GSN: variants seen among roughly 807,000 people sequenced by gnomAD.
GSN encodes gelsolin.
Under a neutral mutation model 85.7 loss-of-function variants are expected in GSN, and 56 were observed. The ratio of observed to expected loss-of-function variants is 0.65; its 90% CI spans 0.53 to 0.82. The LOEUF (loss-of-function observed/expected upper bound fraction) is 0.82, where lower values mean the gene tolerates loss of function less well. GSN is among the 40% of genes least tolerant of loss of function. The pLI is 0.00. For missense variants in GSN, 857 were observed against 979.8 expected (o/e 0.87, Z 1.67); for synonymous variants, 373 against 399.1 (o/e 0.93, Z 0.78).
intron 2 of GSN, among the ~76,000 whole-genome samples, chr9:121,292,274 T>C (rs746472106): frequency 1.3e-5 from 2 of 152,116 alleles, no homozygotes; most frequent in Admixed American, 6.5e-5. Flanking sequence ...AGGAGTCTCA[T>C]GGAGGGGATT....
At chr9:121,297,521 G>A (rs934219360) in intron 2 of GSN, among the ~76,000 whole-genome samples, 1 of 152,208 alleles carries the variant, frequency 6.6e-6, no homozygotes, top group East Asian at 1.9e-4. Context: ...TCCAGCAAAC[G>A]GCCTTAACAG....
intron 2 of GSN, among the ~76,000 whole-genome samples, chr9:121,298,825 G>C (rs955967243): frequency 1.3e-5 from 2 of 152,166 alleles, no homozygotes; most frequent in Non-Finnish European, 2.9e-5. Context: ...GAGTAGGTGG[G>C]AAGTAGGCCT....
the GSN span, among the ~76,000 whole-genome samples, chr9:121,202,673 C>T: frequency 6.6e-6 from 1 of 152,132 alleles, no homozygotes; most frequent in Non-Finnish European, 1.5e-5. Flanking sequence ...GTGGCTTGTA[C>T]ATTACACACA....
chr9:121,318,871 C>T lies in GSN; in HGVS notation c.1182C>T (p.Gly394=), dbSNP rs776440011. The T allele has an allele frequency of 1.9e-6, 3 of 1,613,346 alleles. No individual in the cohort carries two copies. Among genetic ancestry groups the T allele is most frequent in the Non-Finnish European group, 2.5e-6 (3 of 1,179,554 alleles). The change falls in exon 10 of 18, where the codon GGC becomes GGT. Residue 394 remains glycine, a synonymous_variant. Coordinates refer to ENST00000432226, the MANE Select transcript of GSN (RefSeq NM_198252.3). This position sits in a 1 kb window ranked among gnomAD's most constrained non-coding sequence, Gnocchi z 4.3. ...AQHGMDDDGT[G]QKQIWRIEGS... ...ACGGCATGGATGACGATGGCACAGG[C>T]CAGAAACAGGTACGTTTAGGGCGTG...
intron 5 of GSN, chr9:121,312,037 TC>T (rs1469083868): frequency 2.7e-6 from 1 of 365,992 alleles, no homozygotes; most frequent in African/African-American, 2.1e-5. Flanking sequence ...CAAATGGTTT[TC>T]CAAAATGGTT....
At chr9:121,212,379 T>C (rs758875886) in intron 4 of GSN, among the ~76,000 whole-genome samples, 3 of 152,114 alleles carry the variant, frequency 2.0e-5, no homozygotes, top group Admixed American at 2.0e-4. Context: ...GTTTATTGGA[T>C]TGTCGTGAAG....
chr9:121,307,306 A>G (rs1054519241), intron 4 of GSN, among the ~76,000 whole-genome samples: 3 of 152,244 alleles, frequency 2.0e-5, no homozygotes, highest in African/African-American at 7.2e-5. Context: ...AATGAAAGGC[A>G]TACTTCAACA....
chr9:121,220,030 C>T (rs926036989), intron 4 of GSN, among the ~76,000 whole-genome samples: 18 of 152,264 alleles, frequency 1.2e-4, no homozygotes, highest in Middle Eastern at 6.8e-3. Context: ...TACAGGCATG[C>T]GCCACTGCGC....
upstream of GSN, among the ~76,000 whole-genome samples, chr9:121,264,779 C>T (rs1433217899): frequency 6.6e-6 from 1 of 152,198 alleles, no homozygotes; most frequent in Non-Finnish European, 1.5e-5. Context: ...CCCCTCCACC[C>T]ACAGGTTACA....
chr9:121,227,741 T>C (rs1308659927), intron 4 of GSN, among the ~76,000 whole-genome samples: 1 of 152,096 alleles, frequency 6.6e-6, no homozygotes, highest in Non-Finnish European at 1.5e-5. Flanking sequence ...TGTTGAGCGG[T>C]ACATGAGAAT....
intron 1 of GSN, among the ~76,000 whole-genome samples, chr9:121,276,581 CT>C (rs1401517894): frequency 6.6e-6 from 1 of 152,222 alleles, no homozygotes; most frequent in South Asian, 2.1e-4. Flanking sequence ...CAAACCATGA[CT>C]TTTATAGCAG....
In GSN at chr9:121,286,610, A is replaced by G. The variant is rs751145272; in HGVS notation, c.-10+5048A>G. ...CTCCTTTGTGCTCCCAGGGCCCACA[A>G]CTGCTTGAATGACTATTGGTGTTCC... is the stretch of plus-strand genomic sequence containing the variant. On this transcript the variant is annotated intron_variant, in intron 2 of 17. Transcript: ENST00000432226. 7 of 1,512,680 alleles carry G rather than the reference A, an allele frequency of 4.6e-6. No individual in the cohort carries two copies. The East Asian group carries it at 7.4e-5, about 16-fold the overall frequency. 93.7% of individuals were successfully genotyped at this position (1,512,680 alleles called of 1,614,324 possible). A position where few individuals can be genotyped will look rare whatever the true frequency, so the allele number is the denominator to read the frequency against.
At chr9:121,321,020 C>T (rs1462004573) in intron 10 of GSN, among the ~76,000 whole-genome samples, 1 of 152,138 alleles carries the variant, frequency 6.6e-6, no homozygotes, top group Non-Finnish European at 1.5e-5. Flanking sequence ...CGATCCTCAG[C>T]GAAGGACAGA....
rs757046360 is a variant in GSN at position 121,302,058 on chromosome 9, C to T, written c.87C>T (p.Pro29=). ...IWRVEKFDLV[P]VPTNLYGDFF... ...GTGTGGAGAAGTTCGATCTGGTGCC[C>T]GTGCCCACCAACCTTTATGGAGACT... is the stretch of plus-strand genomic sequence containing the variant. The change falls in exon 3 of 18, where the codon CCC becomes CCT. Residue 29 remains proline (P), a synonymous_variant. Transcript: ENST00000432226. 7.4e-6 allele frequency: 12 copies of T among 1,614,234 alleles called. No individual in the cohort carries two copies. The highest frequency in any genetic ancestry group is 2.2e-5 in the South Asian group (2 of 91,088).
At chr9:121,316,107 C>T (rs1440534649) in intron 7 of GSN, among the ~76,000 whole-genome samples, 1 of 152,226 alleles carries the variant, frequency 6.6e-6, no homozygotes. Context: ...CATCAGGGAT[C>T]TTAAATGCCT....
In GSN at chr9:121,318,657, C is replaced by G; in HGVS notation, c.976-8C>G. 1 of 1,605,842 alleles carries G rather than the reference C, an allele frequency of 6.2e-7. No homozygotes were observed. Among genetic ancestry groups the G allele is most frequent in the Non-Finnish European group, 8.5e-7 (1 of 1,172,368 alleles). On this transcript the variant is annotated splice_polypyrimidine_tract_variant and splice_region_variant and intron_variant, in intron 9 of 17. Coordinates refer to ENST00000432226, the MANE Select transcript of GSN (RefSeq NM_198252.3). The surrounding 1 kb of genome is among the most constrained non-coding windows in gnomAD (Gnocchi z 4.3). Reference sequence around the variant, plus strand: ...GCCACATCCTGCTCCTCTGCCTCCCCTCCCCAGGTCTCGGTCCTTCCTGAG... The same window carrying G: ...GCCACATCCTGCTCCTCTGCCTCCCGTCCCCAGGTCTCGGTCCTTCCTGAG...
chr9:121,324,090 T>A (rs866279175), intron 11 of GSN, among the ~76,000 whole-genome samples: 1 of 152,132 alleles, frequency 6.6e-6, no homozygotes, highest in Non-Finnish European at 1.5e-5. Flanking sequence ...CCATGGACCT[T>A]TTTGGTGAAC....
At position 121,312,712 on chromosome 9, in the gene GSN, T is replaced by TGACCTCCTGGGCTCAAGTG. The variant is rs1468384801; in HGVS notation, c.663+225_663+243dup. On this transcript the variant is annotated intron_variant, in intron 6 of 17. Coordinates refer to ENST00000432226, the MANE Select transcript of GSN (RefSeq NM_198252.3). ...GCGCCATCACAGCTCACTGCAGCCT[T>TGACCTCCTGGGCTCAAGTG]GACCTCCTGGGCTCAAGTGATCCTC... 1.6e-5 allele frequency: 6 copies of TGACCTCCTGGGCTCAAGTG among 381,796 alleles called. No homozygotes were observed. In the Admixed American group the frequency reaches 1.7e-4, roughly 11 times the overall value. 23.7% of individuals were successfully genotyped at this position (381,796 alleles called of 1,614,324 possible).
Position 121,312,468 on chromosome 9 carries a change from G to T in GSN, c.643G>T (p.Glu215Ter). ...AGTGCACGTGTCTGAGGAGGGCACT[G>T]AGCCCGAGGCGATGCTCCAGGTGCC... ...ARVHVSEEGT[E>*]PEAMLQVLGP... The change falls in exon 6 of 18, where the codon GAG (glutamate) becomes TAG (stop). Residue 215 changes from glutamate to a stop codon, truncating the protein, a stop_gained. Coordinates refer to ENST00000432226, the MANE Select transcript of GSN (RefSeq NM_198252.3). LOFTEE classifies it high-confidence loss of function. The T allele has an allele frequency of 6.2e-7, 1 of 1,613,428 alleles. No homozygotes were observed.
Sources: allele counts gnomAD v4.1 joint callset (sites outside exome capture counted in the v4.1 genomes callset), GRCh38; gene constraint gnomAD v4.1.1; non-coding constraint Gnocchi (gnomAD v3.1); transcripts MANE v1.5; gene names NCBI Gene and HGNC (gene_info 2026-07-23, HGNC 2026-07-21).